Variants in SEZ6L observed in about 807,000 individuals in gnomAD.
SEZ6L encodes the protein seizure 6-like protein.
SEZ6L carries 37 observed loss-of-function variants against 106.2 expected under a neutral mutation model. The ratio of observed to expected loss-of-function variants is 0.35; its 90% CI spans 0.27 to 0.46. The LOEUF is 0.46. Ranked by LOEUF, SEZ6L falls within the 20% of genes least tolerant of loss-of-function variation. The pLI is 1.00. For missense variants in SEZ6L, 1,172 were observed against 1,332.8 expected, an observed-to-expected ratio of 0.88 and a Z score of 1.88; for synonymous variants, 541 against 570.4, an observed-to-expected ratio of 0.95 and a Z score of 0.73.
chr22:26,310,931 G>A (rs2081808114), intron 7 of SEZ6L, 95 bp downstream of exon 7: 2 of 1,283,730 alleles, frequency 1.6e-6, no homozygotes, highest in Admixed American at 2.0e-5. Flanking sequence ...GGCTGCGAAG[G>A]ATGTGGGAAA....
intron 1 of SEZ6L, among the ~76,000 whole-genome samples, chr22:26,269,244 G>T (rs1332364795): frequency 6.6e-6 from 1 of 152,146 alleles, no homozygotes; most frequent in Admixed American, 6.5e-5. Flanking sequence ...CGAACACCTT[G>T]CTCCCACCTA....
chr22:26,180,836 T>A (rs1939342148), intron 1 of SEZ6L, among the ~76,000 whole-genome samples: 1 of 152,220 alleles, frequency 6.6e-6, no homozygotes, highest in Admixed American at 6.5e-5. Context: ...TGTGGCTCCA[T>A]GCATGGTTTT....
intron 6 of SEZ6L, among the ~76,000 whole-genome samples, chr22:26,310,289 A>G (rs6005003): frequency 0.012 from 1,809 of 152,236 alleles, 25 homozygotes; most frequent in African/African-American, 0.041. Flanking sequence ...TAATCCCAGC[A>G]CTTTGGGAGG....
At chr22:26,321,943 C>T (rs534453735) in intron 9 of SEZ6L, among the ~76,000 whole-genome samples, 3 of 152,224 alleles carry the variant, frequency 2.0e-5, no homozygotes, top group East Asian at 1.9e-4. Context: ...GTGGCCATGG[C>T]GGTTCTAATT....
At chr22:26,284,418 C>A (rs2080863881) in intron 1 of SEZ6L, among the ~76,000 whole-genome samples, 2 of 152,144 alleles carry the variant, frequency 1.3e-5, no homozygotes, top group South Asian at 4.2e-4. Flanking sequence ...GCCAGCCTGG[C>A]CAACATGGTA....
chr22:26,198,048 A>T (rs1940693195), intron 1 of SEZ6L, among the ~76,000 whole-genome samples: 1 of 152,210 alleles, frequency 6.6e-6, no homozygotes, highest in South Asian at 2.1e-4. Context: ...GCAAAAGGAG[A>T]AGCTACTGGT....
intron 12 of SEZ6L, among the ~76,000 whole-genome samples, chr22:26,353,278 C>T (rs2083335430): frequency 6.6e-6 from 1 of 152,174 alleles, no homozygotes; most frequent in Admixed American, 6.5e-5. Context: ...ATGTAAAAGA[C>T]ACATTGCTAA....
At chr22:26,268,162 G>A (rs1326978972) in intron 1 of SEZ6L, among the ~76,000 whole-genome samples, 4 of 152,176 alleles carry the variant, frequency 2.6e-5, no homozygotes, top group African/African-American at 9.7e-5. Flanking sequence ...CCTTTGTAAC[G>A]TGGAACAAAT....
chr22:26,173,287 G>A (rs1257576704), intron 1 of SEZ6L, among the ~76,000 whole-genome samples: 2 of 152,186 alleles, frequency 1.3e-5, no homozygotes, highest in South Asian at 2.1e-4. Flanking sequence ...AAATCTCTGC[G>A]ATTGGCATGA....
chr22:26,185,824 C>T (rs1040886943), intron 1 of SEZ6L, among the ~76,000 whole-genome samples: 3 of 152,076 alleles, frequency 2.0e-5, no homozygotes, highest in Non-Finnish European at 4.4e-5. Flanking sequence ...CTCTCAAGAT[C>T]ACACAGCTAG....
At chr22:26,342,416 G>A (rs906033791) in intron 10 of SEZ6L, among the ~76,000 whole-genome samples, 2 of 152,008 alleles carry the variant, frequency 1.3e-5, no homozygotes, top group Non-Finnish European at 2.9e-5. Flanking sequence ...TCGGCCGGGC[G>A]CAGTGGCTCA....
chr22:26,351,509 G>GTTTTT, intron 12 of SEZ6L: 2 of 344,820 alleles, frequency 5.8e-6, no homozygotes, highest in Non-Finnish European at 9.9e-6. Context: ...AGTATACTTT[G>GTTTTT]TTTTTTTGTT....
At chr22:26,228,812 G>C (rs1337225630) in intron 1 of SEZ6L, among the ~76,000 whole-genome samples, 2 of 152,152 alleles carry the variant, frequency 1.3e-5, no homozygotes, top group Non-Finnish European at 2.9e-5. Flanking sequence ...CTATTCATTG[G>C]CTGCACCAGA....
intron 1 of SEZ6L, among the ~76,000 whole-genome samples, chr22:26,224,678 C>T (rs1300267656): frequency 6.6e-6 from 1 of 152,122 alleles, no homozygotes; most frequent in Non-Finnish European, 1.5e-5. Context: ...GAAGAGCATA[C>T]AGATACAGGA....
chr22:26,286,847 G>A (rs552749135), intron 1 of SEZ6L, among the ~76,000 whole-genome samples: 26 of 147,784 alleles, frequency 1.8e-4, no homozygotes, highest in African/African-American at 5.7e-4. Flanking sequence ...TTCTGGGTTT[G>A]AGTGATTCTC....
chr22:26,322,948 C>T (rs1332266868), intron 9 of SEZ6L, among the ~76,000 whole-genome samples: 2 of 152,198 alleles, frequency 1.3e-5, no homozygotes, highest in Admixed American at 6.5e-5. Flanking sequence ...CACACCCCTT[C>T]CCCAACTCTC....
chr22:26,179,827 C>T (rs904512405), intron 1 of SEZ6L, among the ~76,000 whole-genome samples: 1 of 152,218 alleles, frequency 6.6e-6, no homozygotes, highest in African/African-American at 2.4e-5. Flanking sequence ...ATCACCTCCA[C>T]TTACCCATTC....
chr22:26,195,628 G>T (rs1291897181), intron 1 of SEZ6L, among the ~76,000 whole-genome samples: 1 of 152,138 alleles, frequency 6.6e-6, no homozygotes, highest in Non-Finnish European at 1.5e-5. Context: ...GCCCTGGGGT[G>T]GAAGCTGATG....
At chr22:26,219,738 C>T (rs1241943856) in intron 1 of SEZ6L, among the ~76,000 whole-genome samples, 8 of 152,114 alleles carry the variant, frequency 5.3e-5, no homozygotes, top group African/African-American at 7.2e-5. Flanking sequence ...CTGGTGACAG[C>T]GATGAAAATA....
Sources: gnomAD v4.1 joint callset for allele counts (sites outside exome capture counted in the v4.1 genomes callset) on GRCh38, gnomAD v4.1.1 for gene constraint, MANE v1.5 for transcripts, NCBI Gene and HGNC (gene_info 2026-07-23, HGNC 2026-07-21) for gene names.